VIRMA: variants seen among roughly 807,000 people sequenced by gnomAD.
The protein encoded by VIRMA is vir like m6A methyltransferase associated.
A neutral mutation model predicts 182.4 loss-of-function variants in VIRMA; 65 were observed. The observed-to-expected ratio is 0.36, with a 90% CI of 0.29 to 0.44. The LOEUF is 0.44. VIRMA is among the 20% of genes least tolerant of loss of function. The pLI is 1.00. For synonymous variants in VIRMA, 709 were observed against 743.1 expected, an observed-to-expected ratio of 0.95 and a Z score of 0.75; for missense variants, 1,752 against 2,158.1, an observed-to-expected ratio of 0.81 and a Z score of 3.73.
At chr8:94,513,768 A>G (rs1308355524) in intron 11 of VIRMA, among the ~76,000 whole-genome samples, 1 of 152,338 alleles carries the variant, frequency 6.6e-6, no homozygotes, top group East Asian at 1.9e-4. Flanking sequence ...AGAATACATG[A>G]CCATCTAAAT....
intron 5 of VIRMA, chr8:94,533,913 CAT>C (rs1251880993): frequency 6.6e-6 from 1 of 151,838 alleles, no homozygotes; most frequent in Non-Finnish European, 1.5e-5. Context: ...TTTAAATAGA[CAT>C]AGGGTCTCGC....
At chr8:94,498,780 T>TA (rs1441406847) in intron 17 of VIRMA, 1 of 152,362 alleles carries the variant, frequency 6.6e-6, no homozygotes. Context: ...AGAATTATTT[T>TA]AAAATGAAAG....
chr8:94,550,861 G>C (rs1345279154), intron 1 of VIRMA, among the ~76,000 whole-genome samples: 1 of 152,102 alleles, frequency 6.6e-6, no homozygotes, highest in Non-Finnish European at 1.5e-5. Context: ...TGGGACTATA[G>C]ACGCACACCG....
chr8:94,537,101 A>C lies in VIRMA; in HGVS notation c.315+2T>G. The C allele has an allele frequency of 6.3e-7, 1 of 1,594,430 alleles. No homozygotes were observed. The highest frequency in any genetic ancestry group is 8.6e-7 in the Non-Finnish European group (1 of 1,162,244). On this transcript the variant is annotated splice_donor_variant, in intron 4 of 23. Transcript: ENST00000297591. LOFTEE classifies it high-confidence loss of function. ...AAGCTGAAAACTGACTTCCAGAATT[A>C]CCTTTGAGTTAGGTCTAAAGATGAT... is the stretch of plus-strand genomic sequence containing the variant.
chr8:94,536,318 C>A (rs3102864), intron 4 of VIRMA, among the ~76,000 whole-genome samples: 1 of 152,034 alleles, frequency 6.6e-6, no homozygotes, highest in Non-Finnish European at 1.5e-5. Context: ...CCCATCCCCC[C>A]CAAAACCAAA....
intron 2 of VIRMA, among the ~76,000 whole-genome samples, chr8:94,541,653 T>C (rs974399122): frequency 1.3e-5 from 2 of 152,118 alleles, no homozygotes; most frequent in African/African-American, 4.8e-5. Context: ...GCGATTCTCC[T>C]GCCTCAGCCT....
chr8:94,488,005 G>A lies in VIRMA; in HGVS notation c.*701C>T, dbSNP rs1026487551. The A allele has an allele frequency of 1.3e-5, 2 of 151,954 alleles. No individual in the cohort carries two copies. The highest frequency in any genetic ancestry group is 4.8e-5 in the African/African-American group (2 of 41,350). 9.4% of individuals were successfully genotyped at this position (151,954 alleles called of 1,614,324 possible). On this transcript the variant is annotated 3_prime_UTR_variant, in exon 24 of 24. Coordinates refer to ENST00000297591, the MANE Select transcript of VIRMA (RefSeq NM_015496.5). ...CCATGGTTCCCAAACTGTGTAGCAG[G>A]GCACCTTAGCAAATTAACATGGGTG... is the stretch of plus-strand genomic sequence containing the variant.
At chr8:94,545,218 C>T (rs750177226) in intron 1 of VIRMA, among the ~76,000 whole-genome samples, 1 of 152,072 alleles carries the variant, frequency 6.6e-6, no homozygotes, top group Non-Finnish European at 1.5e-5. Flanking sequence ...CAGGATTAGG[C>T]AAATATAATT....
At chr8:94,544,670 A>G (rs1815698708) in intron 1 of VIRMA, among the ~76,000 whole-genome samples, 1 of 150,894 alleles carries the variant, frequency 6.6e-6, no homozygotes, top group Non-Finnish European at 1.5e-5. Flanking sequence ...CTCAAAAAAA[A>G]AAAAAAAAAA....
intron 3 of VIRMA, 25 bp from the exon 4 acceptor site, chr8:94,537,176 T>G: frequency 6.7e-7 from 1 of 1,485,304 alleles, no homozygotes; most frequent in Non-Finnish European, 9.4e-7. Flanking sequence ...GAAATAAATA[T>G]GTAAGCTCAA....
chr8:94,498,664 G>A (rs1286226913), intron 17 of VIRMA: 1 of 152,288 alleles, frequency 6.6e-6, no homozygotes, highest in Non-Finnish European at 1.5e-5. Context: ...TAGAGACAGA[G>A]TTTTGCTGTG....
At position 94,509,851 on chromosome 8, in the gene VIRMA, T is replaced by G; in HGVS notation, c.3716A>C (p.Lys1239Thr). The G allele has an allele frequency of 6.2e-7, 1 of 1,614,000 alleles. No individual in the cohort carries two copies. The stretch of plus-strand genomic sequence containing the variant: ...ATTAATTAGATGCAAAATAGCTAAT[T>G]TACAAGCTTTGTGTGAAGCCAGAGC... ...LDALASHKAC[K>T]LAILHLINGT... The change falls in exon 15 of 24, where the codon AAA becomes ACA. Residue 1239 changes from lysine to threonine, a missense_variant. Coordinates refer to ENST00000297591, the MANE Select transcript of VIRMA (RefSeq NM_015496.5).
Position 94,529,164 on chromosome 8 carries a change from ATCCTCT to A in VIRMA, c.780_785del (p.Glu260_Glu261del). The A allele has an allele frequency of 4.9e-6, 7 of 1,416,262 alleles. No homozygotes were observed. Among genetic ancestry groups the A allele is most frequent in the Non-Finnish European group, 7.0e-6 (7 of 1,000,594 alleles). The allele number at this position is 1,416,262 out of a possible 1,614,324, so 87.7% of individuals were successfully genotyped here. On this transcript the variant is annotated inframe_deletion, in exon 7 of 24. Coordinates refer to ENST00000297591, the MANE Select transcript of VIRMA (RefSeq NM_015496.5). ...CTGTTCGTCGATCATCCTCATCCTCATCCTCTTCTTCCTCTACATCCACATCATCTT... is the reference window on the plus strand; with the variant it reads ...CTGTTCGTCGATCATCCTCATCCTCATCTTCCTCTACATCCACATCATCTT...
At chr8:94,516,088 C>T (rs759142275) in intron 10 of VIRMA, among the ~76,000 whole-genome samples, 9 of 151,992 alleles carry the variant, frequency 5.9e-5, no homozygotes, top group Non-Finnish European at 1.3e-4. Flanking sequence ...AGCCTGGAGA[C>T]GGTGCGAGAC....
intron 1 of VIRMA, among the ~76,000 whole-genome samples, chr8:94,552,718 T>C (rs538954032): frequency 2.0e-5 from 3 of 152,336 alleles, no homozygotes; most frequent in Admixed American, 1.3e-4. Context: ...TACAGAAATA[T>C]TACTCCACAA....
intron 15 of VIRMA, among the ~76,000 whole-genome samples, chr8:94,507,204 C>T (rs1250876640): frequency 6.7e-6 from 1 of 149,460 alleles, no homozygotes; most frequent in African/African-American, 2.5e-5. Context: ...GGCATGATCT[C>T]GGCTCACTGC....
At chr8:94,536,750 C>T (rs762015713) in intron 4 of VIRMA, among the ~76,000 whole-genome samples, 20 of 152,194 alleles carry the variant, frequency 1.3e-4, no homozygotes, top group Middle Eastern at 3.4e-3. Flanking sequence ...GAGGCCGAGG[C>T]GGTTGGATCA....
chr8:94,496,338 T>C lies in VIRMA; in HGVS notation c.4373A>G (p.Lys1458Arg), dbSNP rs576719748. The C allele has an allele frequency of 6.2e-7, 1 of 1,608,354 alleles. No homozygotes were observed. The highest frequency in any genetic ancestry group is 8.5e-7 in the Non-Finnish European group (1 of 1,178,766). Reference sequence around the variant, plus strand: ...TTTTTTCTTTTTTACCAAAACAAGCTTCTCTAGTTCAAGGAACAAATTTTC... The same window carrying C: ...TTTTTTCTTTTTTACCAAAACAAGCCTCTCTAGTTCAAGGAACAAATTTTC... ...SPENLFLELE[K>R]LVLEHSKDDD... The change falls in exon 18 of 24, where the codon AAG becomes AGG. Residue 1458 changes from lysine (K) to arginine (R), a missense_variant. Physicochemically the swap from Lys to Arg is conservative, Grantham distance 26. Transcript: ENST00000297591.
chr8:94,551,112 T>C (rs912481423), intron 1 of VIRMA, among the ~76,000 whole-genome samples: 2 of 152,208 alleles, frequency 1.3e-5, no homozygotes, highest in African/African-American at 2.4e-5. Context: ...ACTTCAAGCA[T>C]ACCCTAACAG....
Sources: gnomAD v4.1 joint callset for allele counts (sites outside exome capture counted in the v4.1 genomes callset) on GRCh38, gnomAD v4.1.1 for gene constraint, MANE v1.5 for transcripts, NCBI Gene and HGNC (gene_info 2026-07-23, HGNC 2026-07-21) for gene names.